Variants in CHRM3 observed in about 807,000 individuals in gnomAD.
CHRM3 encodes muscarinic acetylcholine receptor M3.
A neutral mutation model predicts 41.8 loss-of-function variants in CHRM3; 11 were observed. The observed-to-expected ratio is 0.26, with a 90% CI of 0.17 to 0.44. The LOEUF is 0.44. Ranked by LOEUF, CHRM3 falls within the 20% of genes least tolerant of loss-of-function variation. The probability of loss-of-function intolerance (pLI) is 1.00; values close to 1 mark genes in which losing one functional copy is unlikely to be tolerated. For synonymous variants in CHRM3, 297 were observed against 301.4 expected (o/e 0.99, Z 0.15); for missense variants, 571 against 745.4 (o/e 0.77, Z 2.72).
intron 3 of CHRM3, among the ~76,000 whole-genome samples, chr1:239,574,080 G>GGTTA (rs758955344): frequency 7.2e-5 from 11 of 152,032 alleles, no homozygotes; most frequent in Non-Finnish European, 1.5e-4. Flanking sequence ...GGCAATTGAG[G>GGTTA]GTTAGTCTTT....
chr1:239,547,059 C>T (rs903276339), intron 3 of CHRM3, among the ~76,000 whole-genome samples: 1 of 152,138 alleles, frequency 6.6e-6, no homozygotes, highest in Non-Finnish European at 1.5e-5. Flanking sequence ...TGCAATGAAA[C>T]TGGTTTGCAA....
intron 3 of CHRM3, among the ~76,000 whole-genome samples, chr1:239,600,476 G>A (rs909595750): frequency 1.3e-5 from 2 of 152,024 alleles, no homozygotes; most frequent in Admixed American, 6.6e-5. Context: ...ATGGAAACAA[G>A]AAAGACATCT....
At chr1:239,870,062 C>T (rs1376707414) in intron 6 of CHRM3, among the ~76,000 whole-genome samples, 2 of 152,164 alleles carry the variant, frequency 1.3e-5, no homozygotes, top group African/African-American at 4.8e-5. Context: ...ATGAGTCATT[C>T]CTGGGTCCTT....
At chr1:239,822,230 A>G (rs1672113298) in intron 5 of CHRM3, among the ~76,000 whole-genome samples, 1 of 152,202 alleles carries the variant, frequency 6.6e-6, no homozygotes, top group African/African-American at 2.4e-5. Flanking sequence ...ACACAATTAA[A>G]TAGTAATTGG....
chr1:239,779,774 T>C (rs574509945), intron 5 of CHRM3, among the ~76,000 whole-genome samples: 33 of 152,216 alleles, frequency 2.2e-4, no homozygotes, highest in Non-Finnish European at 4.3e-4. Context: ...AAAAATCCTC[T>C]GTGCTCTACT....
Position 239,913,257 on chromosome 1 carries a change from T to C in CHRM3, c.*4033T>C, listed in dbSNP as rs879881001. On this transcript the variant is annotated 3_prime_UTR_variant, in exon 7 of 7. Transcript: ENST00000676153. ...CCTGAGGTCGGGCAAACTCACAAAA[T>C]AGAGTTTCTAGGTAGCAGGTGTTTG... 6.0e-5 allele frequency: 10 copies of C among 167,064 alleles called. No homozygotes were observed. The Admixed American group carries it at 6.5e-4, about 11-fold the overall frequency. 10.3% of individuals were successfully genotyped at this position (167,064 alleles called of 1,614,324 possible).
intron 2 of CHRM3, among the ~76,000 whole-genome samples, chr1:239,532,822 C>T (rs938850638): frequency 7.9e-5 from 12 of 152,182 alleles, no homozygotes; most frequent in Admixed American, 7.2e-4. Context: ...ATAATCACCT[C>T]TAAGGAAATG....
At chr1:239,594,848 G>A (rs142756635) in intron 3 of CHRM3, among the ~76,000 whole-genome samples, 3 of 152,324 alleles carry the variant, frequency 2.0e-5, no homozygotes, top group East Asian at 1.9e-4. Context: ...CCAGCACTTT[G>A]GGAGGCTGAG....
intron 1 of CHRM3, among the ~76,000 whole-genome samples, chr1:239,475,786 T>A: frequency 6.6e-6 from 1 of 152,264 alleles, no homozygotes; most frequent in Non-Finnish European, 1.5e-5. Flanking sequence ...ATATTAAAAT[T>A]ATTTATGTTA....
intron 5 of CHRM3, among the ~76,000 whole-genome samples, chr1:239,792,990 C>T (rs1044912471): frequency 1.3e-5 from 2 of 152,184 alleles, no homozygotes; most frequent in African/African-American, 4.8e-5. Context: ...CCTGGCAGTC[C>T]TTTGATGCTA....
chr1:239,442,410 A>G (rs2103260903), intron 1 of CHRM3, among the ~76,000 whole-genome samples: 1 of 152,066 alleles, frequency 6.6e-6, no homozygotes, highest in African/African-American at 2.4e-5. Context: ...CCCGGCCAAA[A>G]TACATGTTAG....
At chr1:239,469,373 G>T (rs1311656050) in intron 1 of CHRM3, among the ~76,000 whole-genome samples, 1 of 152,166 alleles carries the variant, frequency 6.6e-6, no homozygotes, top group Non-Finnish European at 1.5e-5. Context: ...CCAAAGGTCT[G>T]TCTCTGAATC....
At chr1:239,464,996 T>C (rs1462318997) in intron 1 of CHRM3, among the ~76,000 whole-genome samples, 1 of 152,192 alleles carries the variant, frequency 6.6e-6, no homozygotes, top group Non-Finnish European at 1.5e-5. Flanking sequence ...AGTCTCTCCA[T>C]GGAGAATTCA....
intron 5 of CHRM3, among the ~76,000 whole-genome samples, chr1:239,732,215 CATCTCACTTAGATAAGTATACCTAAT>C (rs1240804912): frequency 2.6e-5 from 4 of 151,094 alleles, no homozygotes; most frequent in African/African-American, 4.9e-5. Flanking sequence ...GTATGCCTAA[CATCTCACTTAGATAAGTATACCTAAT>C]ATCTCACTTA....
At chr1:239,886,866 C>T (rs937317380) in intron 6 of CHRM3, among the ~76,000 whole-genome samples, 1 of 152,164 alleles carries the variant, frequency 6.6e-6, no homozygotes, top group African/African-American at 2.4e-5. Context: ...TGGAGAACAA[C>T]CCTCCATAAA....
chr1:239,406,316 T>C (rs1223797817), intron 1 of CHRM3, among the ~76,000 whole-genome samples: 3 of 152,218 alleles, frequency 2.0e-5, no homozygotes, highest in African/African-American at 7.2e-5. Context: ...ATGAATGCCC[T>C]GGTGGCTCCA....
intron 3 of CHRM3, among the ~76,000 whole-genome samples, chr1:239,613,284 T>C (rs1338185799): frequency 1.3e-5 from 2 of 152,240 alleles, no homozygotes; most frequent in Non-Finnish European, 2.9e-5. Flanking sequence ...TTAAGGCTGT[T>C]TCTGCCTTGT....
intron 5 of CHRM3, among the ~76,000 whole-genome samples, chr1:239,808,179 A>G (rs1670814032): frequency 6.6e-6 from 1 of 152,188 alleles, no homozygotes; most frequent in Non-Finnish European, 1.5e-5. Flanking sequence ...TTCGAGGAAG[A>G]CAGCCCTAGA....
intron 6 of CHRM3, among the ~76,000 whole-genome samples, chr1:239,906,621 T>C (rs146662660): frequency 1.7e-4 from 26 of 152,366 alleles, no homozygotes; most frequent in African/African-American, 5.8e-4. Context: ...AAAGCACTAG[T>C]TGCAGTTTTG....
Sources: allele counts gnomAD v4.1 joint callset (sites outside exome capture counted in the v4.1 genomes callset), GRCh38; gene constraint gnomAD v4.1.1; transcripts MANE v1.5; gene names NCBI Gene and HGNC (gene_info 2026-07-23, HGNC 2026-07-21).